The following SYN3 variants were observed in gnomAD, a reference collection of about 807,000 sequenced individuals.
SYN3 encodes synapsin-3.
Under a neutral mutation model 65.8 loss-of-function variants are expected in SYN3, and 35 were observed. That is an observed-to-expected ratio of 0.53 (90% confidence interval 0.41 to 0.70). SYN3 has a LOEUF of 0.70. Ranked by LOEUF, SYN3 falls within the 30% of genes least tolerant of loss-of-function variation. The pLI is 0.00. For missense variants in SYN3, 680 were observed against 749.0 expected, an observed-to-expected ratio of 0.91 and a Z score of 1.08; for synonymous variants, 270 against 292.9, an observed-to-expected ratio of 0.92 and a Z score of 0.80.
intron 1 of SYN3, among the ~76,000 whole-genome samples, chr22:33,028,691 A>ATGGTGGTGGTGGTGGTGGTGATGGTGG (rs1569413489): frequency 2.3e-5 from 1 of 43,122 alleles, no homozygotes; most frequent in African/African-American, 1.1e-4. Flanking sequence ...GGTGGTGGTG[A>ATGGTGGTGGTGGTGGTGGTGATGGTGG]TGGTGGTGGT....
chr22:32,555,071 GGC>G (rs2058474181), intron 7 of SYN3, among the ~76,000 whole-genome samples: 1 of 152,164 alleles, frequency 6.6e-6, no homozygotes, highest in Non-Finnish European at 1.5e-5. Flanking sequence ...CATAAGGCCT[GGC>G]ACATAGTAGG....
chr22:32,628,165 C>T (rs1226028996), intron 6 of SYN3, among the ~76,000 whole-genome samples: 1 of 152,020 alleles, frequency 6.6e-6, no homozygotes, highest in Non-Finnish European at 1.5e-5. Flanking sequence ...GCCTGCACAC[C>T]CTCAGCCCTG....
rs2057688618 is a variant in SYN3 at position 32,511,273 on chromosome 22, A to G, written c.*2419T>C. Among the ~76,000 whole-genome samples, 1 of 152,144 alleles carries G rather than the reference A, an allele frequency of 6.6e-6. No individual in the cohort carries two copies. Among genetic ancestry groups the G allele is most frequent in the African/African-American group, 2.4e-5 (1 of 41,416 alleles). On this transcript the variant is annotated 3_prime_UTR_variant, in exon 14 of 14. Coordinates refer to ENST00000358763, the MANE Select transcript of SYN3 (RefSeq NM_003490.4). ...TACCGGATTATAAATGGTCTGATCT[A>G]TTCCTTGCCATCACCTGACCTCCCC...
chr22:32,906,453 T>C (rs1056414751), intron 4 of SYN3, among the ~76,000 whole-genome samples: 11 of 152,198 alleles, frequency 7.2e-5, no homozygotes, highest in African/African-American at 2.7e-4. Context: ...ATTTTGCCCA[T>C]CAGTGATGCT....
chr22:32,789,951 A>C (rs1209692492), intron 6 of SYN3, among the ~76,000 whole-genome samples: 1 of 152,250 alleles, frequency 6.6e-6, no homozygotes, highest in African/African-American at 2.4e-5. Flanking sequence ...GCTCTGTGCC[A>C]GGAATTCTGC....
At chr22:32,565,780 C>A (rs756944272) in intron 7 of SYN3, among the ~76,000 whole-genome samples, 2 of 151,826 alleles carry the variant, frequency 1.3e-5, no homozygotes. Context: ...GGCACGATCT[C>A]GGCTCACTGC....
intron 6 of SYN3, among the ~76,000 whole-genome samples, chr22:32,701,690 A>G (rs2060812234): frequency 6.6e-6 from 1 of 152,246 alleles, no homozygotes; most frequent in African/African-American, 2.4e-5. Flanking sequence ...TATAGAAGAC[A>G]ACTGAAGTTG....
At chr22:32,516,672 C>T (rs2057782932) in intron 13 of SYN3, among the ~76,000 whole-genome samples, 1 of 152,184 alleles carries the variant, frequency 6.6e-6, no homozygotes, top group South Asian at 2.1e-4. Flanking sequence ...GGCCTGATAC[C>T]TTTTAGATCT....
chr22:33,050,252 C>A (rs952812004), intron 1 of SYN3, among the ~76,000 whole-genome samples: 4 of 152,082 alleles, frequency 2.6e-5, no homozygotes, highest in Middle Eastern at 3.4e-3. Flanking sequence ...GAGGCTGAGG[C>A]AGGTGGATCA....
chr22:32,930,141 G>C (rs1189174998), intron 4 of SYN3, among the ~76,000 whole-genome samples: 1 of 152,076 alleles, frequency 6.6e-6, no homozygotes. Flanking sequence ...CAAATGATAT[G>C]GTTTGGCTGT....
chr22:32,856,275 GA>G (rs2048361916), intron 6 of SYN3, among the ~76,000 whole-genome samples: 1 of 139,148 alleles, frequency 7.2e-6, no homozygotes, highest in South Asian at 2.2e-4. Context: ...TGGGATGTCA[GA>G]CATGTGTAGC....
At chr22:32,885,419 C>A (rs1442811675) in intron 4 of SYN3, among the ~76,000 whole-genome samples, 1 of 152,172 alleles carries the variant, frequency 6.6e-6, no homozygotes, top group Non-Finnish European at 1.5e-5. Context: ...ATCAGTGAGC[C>A]ACCCTGGTGC....
chr22:32,670,718 A>G (rs2060348637), intron 6 of SYN3, among the ~76,000 whole-genome samples: 1 of 152,238 alleles, frequency 6.6e-6, no homozygotes, highest in Non-Finnish European at 1.5e-5. Flanking sequence ...CTAGAGACCT[A>G]TCAGTCATTG....
chr22:32,956,155 TAA>T (rs1200441337), intron 3 of SYN3, among the ~76,000 whole-genome samples: 10 of 119,114 alleles, frequency 8.4e-5, no homozygotes, highest in African/African-American at 3.4e-4. Context: ...CAGCCCCTAC[TAA>T]CTTTTTTTTT....
chr22:33,055,446 TCA>T (rs2054239511), intron 1 of SYN3, among the ~76,000 whole-genome samples: 2 of 152,206 alleles, frequency 1.3e-5, no homozygotes, highest in Non-Finnish European at 2.9e-5. Flanking sequence ...TCCCCAGATC[TCA>T]GTGTAAATAT....
At chr22:32,867,201 G>C (rs1029077654) in intron 5 of SYN3, among the ~76,000 whole-genome samples, 2 of 152,184 alleles carry the variant, frequency 1.3e-5, no homozygotes, top group African/African-American at 4.8e-5. Flanking sequence ...GAGCTTCATA[G>C]AGCACTTTCT....
Position 32,744,382 on chromosome 22 carries a change from G to C in SYN3, c.711+120533C>G, listed in dbSNP as rs533562187. The stretch of plus-strand genomic sequence containing the variant: ...CACCAACGGGAAGCGATCTATGAGA[G>C]CCGTTCCCTGTTATTCCAGCTCTAC... On this transcript the variant is annotated intron_variant, in intron 6 of 13. Transcript: ENST00000358763. Among the ~76,000 whole-genome samples the C allele has an allele frequency of 1.8e-3, 274 of 152,242 alleles. 3 individuals carry two copies. Among genetic ancestry groups the C allele is most frequent in the African/African-American group, 6.2e-3 (257 of 41,528 alleles).
intron 7 of SYN3, among the ~76,000 whole-genome samples, chr22:32,556,868 A>G (rs1339415079): frequency 7.8e-6 from 1 of 128,196 alleles, no homozygotes; most frequent in Non-Finnish European, 1.6e-5. Context: ...TGTGTTGCCC[A>G]GGCTGGTCTC....
chr22:32,655,998 C>T (rs1390867475), intron 6 of SYN3, among the ~76,000 whole-genome samples: 4 of 152,134 alleles, frequency 2.6e-5, no homozygotes, highest in Non-Finnish European at 5.9e-5. Context: ...GCCCAGTTAC[C>T]CACTCTACTT....
Sources: gnomAD v4.1 joint callset for allele counts (sites outside exome capture counted in the v4.1 genomes callset) on GRCh38, gnomAD v4.1.1 for gene constraint, MANE v1.5 for transcripts, NCBI Gene and HGNC (gene_info 2026-07-23, HGNC 2026-07-21) for gene names.